EYS: variants seen among roughly 807,000 people sequenced by gnomAD.
EYS encodes protein eyes shut homolog.
Under a neutral mutation model 282.1 loss-of-function variants are expected in EYS, and 250 were observed. The observed-to-expected ratio is 0.89, with a 90% CI of 0.80 to 0.98. The LOEUF (loss-of-function observed/expected upper bound fraction) is 0.98, where lower values mean the gene tolerates loss of function less well. Ranked by LOEUF, EYS falls within the 50% of genes least tolerant of loss-of-function variation. EYS has a pLI of 0.00. For missense variants in EYS, 4,016 were observed against 3,709.0 expected (o/e 1.08, Z -2.15); for synonymous variants, 1,355 against 1,282.9 (o/e 1.06, Z -1.20).
At chr6:65,330,953 C>G (rs1769775654) in intron 11 of EYS, 1 of 984,248 alleles carries the variant, frequency 1.0e-6, no homozygotes, top group Non-Finnish European at 1.2e-6. Flanking sequence ...GAGATTATAG[C>G]CAAATTTCTC....
intron 35 of EYS, among the ~76,000 whole-genome samples, chr6:63,880,060 T>C (rs1257896094): frequency 6.6e-6 from 1 of 152,170 alleles, no homozygotes; most frequent in African/African-American, 2.4e-5. Flanking sequence ...CAAATTTACA[T>C]ATATTTAGGG....
chr6:64,126,088 G>A (rs1176314793), intron 31 of EYS, among the ~76,000 whole-genome samples: 1 of 152,026 alleles, frequency 6.6e-6, no homozygotes, highest in Non-Finnish European at 1.5e-5. Flanking sequence ...TGGTGGGATT[G>A]TAAACTAGTT....
chr6:64,351,007 A>G (rs1163606121), intron 29 of EYS, among the ~76,000 whole-genome samples: 1 of 150,962 alleles, frequency 6.6e-6, no homozygotes, highest in Non-Finnish European at 1.5e-5. Flanking sequence ...GCCTTCCAAC[A>G]TGATTGTAAG....
At chr6:63,726,128 TA>T (rs1167751184) in intron 42 of EYS, among the ~76,000 whole-genome samples, 1 of 152,164 alleles carries the variant, frequency 6.6e-6, no homozygotes, top group African/African-American at 2.4e-5. Flanking sequence ...CAGAACAACT[TA>T]AAGAGAATTT....
chr6:64,960,620 T>TA (rs774322594), intron 14 of EYS, among the ~76,000 whole-genome samples: 1 of 152,318 alleles, frequency 6.6e-6, no homozygotes, highest in East Asian at 1.9e-4. Context: ...CGTGCCATCT[T>TA]ACATTTGGCA....
intron 29 of EYS, among the ~76,000 whole-genome samples, chr6:64,327,391 T>C (rs1252680721): frequency 6.6e-6 from 1 of 151,880 alleles, no homozygotes; most frequent in Admixed American, 6.6e-5. Flanking sequence ...TGCTGAAAAA[T>C]TTTAAGAAAG....
In EYS at chr6:65,694,742, T is replaced by A. The variant is rs200922496; in HGVS notation, c.-448+12393A>T. 2.8e-3 allele frequency among the ~76,000 whole-genome samples: 383 copies of A among 135,496 alleles called. 10 individuals are homozygous for A. The highest frequency in any genetic ancestry group is 9.4e-3 in the African/African-American group (351 of 37,196). The allele number at this position is 135,496 out of a possible 152,430, so 88.9% of individuals were successfully genotyped here. On this transcript the variant is annotated intron_variant, in intron 1 of 42. Coordinates refer to ENST00000503581, the MANE Select transcript of EYS (RefSeq NM_001142800.2). ...GTAAACCATTGGCTTGTTGTAGATT[T>A]AAAAAAAAAAAAAAAACTTTGTAAA...
intron 30 of EYS, among the ~76,000 whole-genome samples, chr6:64,259,114 A>T (rs1168594903): frequency 6.6e-6 from 1 of 152,030 alleles, no homozygotes; most frequent in Non-Finnish European, 1.5e-5. Context: ...TTATTCAAAG[A>T]CCTGCTCTTC....
chr6:65,069,014 C>A (rs1773831492), intron 12 of EYS, among the ~76,000 whole-genome samples: 1 of 151,920 alleles, frequency 6.6e-6, no homozygotes, highest in African/African-American at 2.4e-5. Context: ...AGAAGAGAAG[C>A]ACTCCATCAA....
intron 26 of EYS, among the ~76,000 whole-genome samples, chr6:64,552,513 G>A (rs1176264354): frequency 6.6e-6 from 1 of 152,066 alleles, no homozygotes; most frequent in South Asian, 2.1e-4. Flanking sequence ...GCCTTCATCT[G>A]CATAATAAGA....
At chr6:64,380,171 T>A (rs1417575771) in intron 29 of EYS, among the ~76,000 whole-genome samples, 1 of 152,170 alleles carries the variant, frequency 6.6e-6, no homozygotes, top group Non-Finnish European at 1.5e-5. Flanking sequence ...TCATTCTCTC[T>A]GAGGGTAAAG....
intron 5 of EYS, among the ~76,000 whole-genome samples, chr6:65,476,853 G>C (rs890144134): frequency 2.6e-5 from 4 of 152,138 alleles, no homozygotes; most frequent in African/African-American, 9.7e-5. Context: ...GGGATTACAG[G>C]CATGAGCCAC....
chr6:64,369,137 T>C (rs538035265), intron 29 of EYS, among the ~76,000 whole-genome samples: 1 of 152,044 alleles, frequency 6.6e-6, no homozygotes, highest in Non-Finnish European at 1.5e-5. Context: ...TCCAGAACCA[T>C]TTGTCAAATA....
chr6:65,172,586 T>C lies in EYS; in HGVS notation c.2024-114859A>G, dbSNP rs568240710. ...GTACCAAATTTATATTAAAAATTCA[T>C]TATTTTATATTTCTAATATGGCAAT... On this transcript the variant is annotated intron_variant, in intron 12 of 42. Coordinates refer to ENST00000503581, the MANE Select transcript of EYS (RefSeq NM_001142800.2). Among the ~76,000 whole-genome samples, 13 of 151,522 alleles carry C rather than the reference T, an allele frequency of 8.6e-5. No homozygotes were observed. The East Asian group carries it at 1.4e-3, about 16-fold the overall frequency.
chr6:64,607,555 C>T (rs1449001022), intron 24 of EYS, among the ~76,000 whole-genome samples: 1 of 151,920 alleles, frequency 6.6e-6, no homozygotes, highest in Non-Finnish European at 1.5e-5. Flanking sequence ...GAGTACTTCA[C>T]CCTCATGACT....
At chr6:64,575,085 C>A (rs1160163668) in intron 26 of EYS, among the ~76,000 whole-genome samples, 2 of 152,010 alleles carry the variant, frequency 1.3e-5, no homozygotes, top group Non-Finnish European at 2.9e-5. Context: ...AAACTTCACC[C>A]AGAATAAGAG....
rs4034161 is a variant in EYS at position 64,564,268 on chromosome 6, C to CTTTTTT, written c.5644+25949_5644+25954dup. 9.8e-4 allele frequency among the ~76,000 whole-genome samples: 58 copies of CTTTTTT among 59,386 alleles called. 10 individuals carry two copies. The highest frequency in any genetic ancestry group is 2.0e-3 in the South Asian group (2 of 1,010). The allele number at this position is 59,386 out of a possible 152,430, so 39.0% of individuals were successfully genotyped here. A position where few individuals can be genotyped will look rare whatever the true frequency, so the allele number is the denominator to read the frequency against. On this transcript the variant is annotated intron_variant, in intron 26 of 42. Coordinates refer to ENST00000503581, the MANE Select transcript of EYS (RefSeq NM_001142800.2). ...TCCTCATCAACACGTATCTTTTGTCCTTTTTTTTTTTTTTTTTTTTTTTTT... is the reference window on the plus strand; with the variant it reads ...TCCTCATCAACACGTATCTTTTGTCCTTTTTTTTTTTTTTTTTTTTTTTTTTTTTTT...
At chr6:64,673,117 T>C (rs536292520) in intron 22 of EYS, among the ~76,000 whole-genome samples, 11 of 152,180 alleles carry the variant, frequency 7.2e-5, no homozygotes, top group Admixed American at 2.0e-4. Context: ...AGTTGGAATA[T>C]TTGTTTTAAT....
At chr6:64,546,086 A>G (rs2149802087) in intron 26 of EYS, among the ~76,000 whole-genome samples, 1 of 152,352 alleles carries the variant, frequency 6.6e-6, no homozygotes, top group Middle Eastern at 3.4e-3. Context: ...CCAAAAGAAC[A>G]AAGCTGGAGG....
Sources: gnomAD v4.1 joint callset for allele counts (sites outside exome capture counted in the v4.1 genomes callset) on GRCh38, gnomAD v4.1.1 for gene constraint, MANE v1.5 for transcripts, NCBI Gene and HGNC (gene_info 2026-07-23, HGNC 2026-07-21) for gene names.